COL6A2: variants seen among roughly 807,000 people sequenced by gnomAD.
COL6A2 encodes the protein collagen alpha-2(VI) chain.
A neutral mutation model predicts 124.9 loss-of-function variants in COL6A2; 90 were observed. The ratio of observed to expected loss-of-function variants is 0.72; its 90% CI spans 0.61 to 0.86. COL6A2 has a LOEUF of 0.86. COL6A2 is among the 40% of genes least tolerant of loss of function. COL6A2 has a pLI of 0.00. For synonymous variants in COL6A2, 793 were observed against 618.2 expected (o/e 1.28, Z -4.19); for missense variants, 1,607 against 1,502.5 (o/e 1.07, Z -1.15).
intron 14 of COL6A2, 32 bp from the exon 15 acceptor site, chr21:46,119,756 C>T (rs1341006207): frequency 1.9e-6 from 3 of 1,549,586 alleles, no homozygotes; most frequent in East Asian, 2.4e-5. Context: ...GGACTCAGCC[C>T]CCTCCCTCAC....
In COL6A2 at chr21:46,129,770, T is replaced by C. The variant is rs2123681304; in HGVS notation, c.2462-2184T>C. 3 of 1,312,402 alleles carry C rather than the reference T, an allele frequency of 2.3e-6. No individual in the cohort carries two copies. The East Asian group carries it at 9.1e-5, about 40-fold the overall frequency. 81.3% of individuals were successfully genotyped at this position (1,312,402 alleles called of 1,614,324 possible). ...CATTGAATTTAAGGCCCACCCCAAG[T>C]CCAGAATGACCTCGCAAGACCCTTA... On this transcript the variant is annotated intron_variant, in intron 27 of 27. Coordinates refer to ENST00000300527, the MANE Select transcript of COL6A2 (RefSeq NM_001849.4).
chr21:46,103,706 T>C (rs2078309920), intron 1 of COL6A2, among the ~76,000 whole-genome samples: 2 of 152,236 alleles, frequency 1.3e-5, no homozygotes, highest in Admixed American at 1.3e-4. Context: ...TTTTTAAATG[T>C]CCTTGTTGCT....
intron 18 of COL6A2, 25 bp from the exon 19 acceptor site, chr21:46,122,083 T>C: frequency 6.2e-7 from 1 of 1,612,330 alleles, no homozygotes; most frequent in South Asian, 1.1e-5. Context: ...ATGACCATGC[T>C]GACCGACTCA....
At chr21:46,117,597 T>C in intron 11 of COL6A2, 144 bp downstream of exon 11, 1 of 899,176 alleles carries the variant, frequency 1.1e-6, no homozygotes, top group East Asian at 2.6e-5. Context: ...CAGCCCAGCA[T>C]TCTGCCGGGT....
Position 46,113,721 on chromosome 21 carries a change from CCTTT to C in COL6A2, c.736-283_736-280del, listed in dbSNP as rs2123619890. The C allele has an allele frequency of 7.8e-6, 4 of 515,080 alleles. No individual in the cohort carries two copies. In the South Asian group the frequency reaches 8.3e-5, roughly 11 times the overall value. 31.9% of individuals were successfully genotyped at this position (515,080 alleles called of 1,614,324 possible). A position where few individuals can be genotyped will look rare whatever the true frequency, so the allele number is the denominator to read the frequency against. ...GATTCCAGGCGTGAGCTGCACCCGG[CCTTT>C]CTTCCCTTCTATTTTCTGTCATGGC... On this transcript the variant is annotated intron_variant, in intron 4 of 27. Transcript: ENST00000300527.
intron 1 of COL6A2, among the ~76,000 whole-genome samples, chr21:46,105,760 T>C (rs963589765): frequency 1.3e-5 from 2 of 152,080 alleles, no homozygotes; most frequent in African/African-American, 4.8e-5. Context: ...TTTAAATGTT[T>C]CACCATCAAA....
rs200114253 is a variant in COL6A2 at position 46,111,946 on chromosome 21, A to G, written c.116-33A>G. 220 of 1,600,768 alleles carry G rather than the reference A, an allele frequency of 1.4e-4. 1 individual carries two copies. The Admixed American group carries it at 3.6e-3, about 26-fold the overall frequency. On this transcript the variant is annotated intron_variant, in intron 2 of 27. Transcript: ENST00000300527. ...GGGGCTCCAACAGCAGTCCCTCCTG[A>G]GGCTGGCTCGTGACAGGTCCTGTGC...
rs375288629 is a variant in COL6A2, at chr21:46,114,001, G to T, written c.736-7G>T. On this transcript the variant is annotated splice_region_variant and splice_polypyrimidine_tract_variant and intron_variant, in intron 4 of 27. Transcript: ENST00000300527. ...TGCAACCTTCTGTCTCTGCTTCCTC[G>T]TTTCAGTGCTACAAGGTGAGCTGCC... The T allele has an allele frequency of 6.2e-7, 1 of 1,613,562 alleles. No homozygotes were observed. Among genetic ancestry groups the T allele is most frequent in the South Asian group, 1.1e-5 (1 of 91,088 alleles).
chr21:46,112,464 C>T lies in COL6A2; in HGVS notation c.601C>T (p.Leu201=). 2 of 1,610,888 alleles carry T rather than the reference C, an allele frequency of 1.2e-6. No individual in the cohort carries two copies. The highest frequency in any genetic ancestry group is 1.7e-6 in the Non-Finnish European group (2 of 1,179,774). The part of the protein sequence containing the change: ...APNQNLKEQG[L]RDIASTPHEL... The stretch of plus-strand genomic sequence containing the variant: ...CAACCAGAACCTGAAGGAGCAGGGC[C>T]TGCGGGACATCGCCAGCACGCCGCA... The change falls in exon 3 of 28, where the codon CTG becomes TTG. Residue 201 remains leucine (L), a synonymous_variant. Transcript: ENST00000300527.
intron 27 of COL6A2, among the ~76,000 whole-genome samples, chr21:46,131,195 G>A (rs915515479): frequency 4.6e-5 from 7 of 152,346 alleles, no homozygotes; most frequent in East Asian, 3.9e-4. Flanking sequence ...CCAGGTCCAC[G>A]CAAGGACTGT....
At position 46,111,443 on chromosome 21, in the gene COL6A2, G is replaced by T. The variant is rs1356596980; in HGVS notation, c.-27-7G>T. Reference sequence around the variant, plus strand: ...GGGTGTCTGAGCGACCCCCACCCCTGTTGCAGGACTTCAGGGCCACAGGTG... The same window carrying T: ...GGGTGTCTGAGCGACCCCCACCCCTTTTGCAGGACTTCAGGGCCACAGGTG... On this transcript the variant is annotated splice_polypyrimidine_tract_variant and splice_region_variant and intron_variant, in intron 1 of 27. Coordinates refer to ENST00000300527, the MANE Select transcript of COL6A2 (RefSeq NM_001849.4). The T allele has an allele frequency of 8.3e-6, 13 of 1,562,372 alleles. No homozygotes were observed. Among genetic ancestry groups the T allele is most frequent in the Non-Finnish European group, 1.1e-5 (13 of 1,135,942 alleles).
chr21:46,122,193 T>A (rs2078577805), intron 19 of COL6A2, 35 bp downstream of exon 19: 1 of 1,607,722 alleles, frequency 6.2e-7, no homozygotes, highest in Non-Finnish European at 8.5e-7. Context: ...CTCCCAGGAG[T>A]GGGTGGACAT....
rs759923819 is a variant in COL6A2, at chr21:46,112,075, A to G, written c.212A>G (p.Lys71Arg). 3.1e-6 allele frequency: 5 copies of G among 1,613,122 alleles called. No homozygotes were observed. In the South Asian group the frequency reaches 3.3e-5, roughly 11 times the overall value. Residue 71 changes from lysine to arginine, a missense_variant, in exon 3 of 28, where the codon AAG becomes AGG. This residue lies in a region of COL6A2 where 342 missense variants were observed against 381.5 expected (regional missense o/e 0.90). Transcript: ENST00000300527. ...SPTDILLFHMKQFVPQFISQL... is the reference protein window; with the variant it reads ...SPTDILLFHMRQFVPQFISQL... The stretch of plus-strand genomic sequence containing the variant: ...ACGGACATCCTGCTCTTCCACATGA[A>G]GCAGTTCGTGCCGCAGTTCATCAGC...
intron 1 of COL6A2, among the ~76,000 whole-genome samples, chr21:46,098,572 G>A (rs2123582984): frequency 6.6e-6 from 1 of 151,898 alleles, no homozygotes; most frequent in African/African-American, 2.4e-5. Context: ...TCCGGCTCCG[G>A]CCCGCGGGGA....
At chr21:46,129,889 T>G in intron 27 of COL6A2, 1 of 1,003,060 alleles carries the variant, frequency 1.0e-6, no homozygotes, top group Non-Finnish European at 1.2e-6. Flanking sequence ...GGCCCTTACT[T>G]AGCGGCCCAG....
rs761790247 is a variant in COL6A2, at chr21:46,112,406, C to T, written c.543C>T (p.Arg181=). 5.0e-6 allele frequency: 8 copies of T among 1,608,268 alleles called. No homozygotes were observed. In the African/African-American group the frequency reaches 5.3e-5, roughly 11 times the overall value. ...GGIKLQAERA[R]EEGIRLFAVA... The stretch of plus-strand genomic sequence containing the variant: ...TCAAGCTGCAGGCCGAGCGGGCCCG[C>T]GAGGAGGGCATCCGGCTCTTCGCCG... Residue 181 remains arginine, a synonymous_variant, in exon 3 of 28, where the codon CGC becomes CGT. Coordinates refer to ENST00000300527, the MANE Select transcript of COL6A2 (RefSeq NM_001849.4).
At chr21:46,128,185 G>A (rs1429245774) in intron 27 of COL6A2, among the ~76,000 whole-genome samples, 1 of 152,196 alleles carries the variant, frequency 6.6e-6, no homozygotes, top group African/African-American at 2.4e-5. Flanking sequence ...GCACCACAGG[G>A]AAAGCAGCCA....
intron 15 of COL6A2, 77 bp downstream of exon 15, chr21:46,119,927 T>C: frequency 2.3e-6 from 3 of 1,287,176 alleles, no homozygotes; most frequent in Non-Finnish European, 3.3e-6. Flanking sequence ...CCCAACCCCA[T>C]TCCTCCCAGA....
rs762041959 is a variant in COL6A2 at position 46,132,325 on chromosome 21, G to T, written c.2833G>T (p.Val945Leu). 2 of 1,607,614 alleles carry T rather than the reference G, an allele frequency of 1.2e-6. No individual in the cohort carries two copies. The highest frequency in any genetic ancestry group is 1.7e-6 in the Non-Finnish European group (2 of 1,179,588). Residue 945 changes from valine (V) to leucine (L), a missense_variant, in exon 28 of 28, where the codon GTG becomes TTG. Val to Leu is a conservative substitution (Grantham distance 32). Transcript: ENST00000300527. Reference protein sequence around the residue: ...GARRHAELSFVFLTDGVTGND... With the variant: ...GARRHAELSFLFLTDGVTGND... ...CCGGAGGCACGCAGAGCTGTCCTTCGTGTTCCTCACGGACGGCGTCACGGG... is the reference window on the plus strand; with the variant it reads ...CCGGAGGCACGCAGAGCTGTCCTTCTTGTTCCTCACGGACGGCGTCACGGG...
Sources: gnomAD v4.1 joint callset for allele counts (sites outside exome capture counted in the v4.1 genomes callset) on GRCh38, gnomAD v4.1.1 for gene constraint, gnomAD v4.1.1 regional missense constraint, MANE v1.5 for transcripts, NCBI Gene and HGNC (gene_info 2026-07-23, HGNC 2026-07-21) for gene names.